DACH1: variants seen among roughly 807,000 people sequenced by gnomAD.
DACH1 encodes dachshund homolog 1.
Under a neutral mutation model 54.2 loss-of-function variants are expected in DACH1, and 12 were observed. The ratio of observed to expected loss-of-function variants is 0.22; its 90% CI spans 0.14 to 0.36. The LOEUF is 0.36. Ranked by LOEUF, DACH1 falls within the 10% of genes least tolerant of loss-of-function variation. The pLI, the probability that DACH1 is intolerant of heterozygous loss-of-function variation, is 1.00. For missense variants in DACH1, 805 were observed against 929.8 expected (o/e 0.87, Z 1.75); for synonymous variants, 386 against 366.2 (o/e 1.05, Z -0.62).
intron 4 of DACH1, among the ~76,000 whole-genome samples, chr13:71,564,607 A>C (rs993357115): frequency 6.6e-6 from 1 of 152,176 alleles, no homozygotes; most frequent in Admixed American, 6.5e-5. Flanking sequence ...AATAGAATTC[A>C]AAAACAACAT....
At chr13:71,549,574 T>C (rs924552523) in intron 6 of DACH1, among the ~76,000 whole-genome samples, 14 of 152,130 alleles carry the variant, frequency 9.2e-5, no homozygotes, top group African/African-American at 3.4e-4. Flanking sequence ...AAAAAGTTGC[T>C]AAAATCTAAA....
chr13:71,821,772 T>C (rs1210989040), intron 1 of DACH1, among the ~76,000 whole-genome samples: 1 of 152,152 alleles, frequency 6.6e-6, no homozygotes. Context: ...TGCAGTATTA[T>C]CTACTTCACA....
At chr13:71,475,948 T>C in intron 8 of DACH1, 99 bp from the exon 9 acceptor site, 1 of 931,918 alleles carries the variant, frequency 1.1e-6, no homozygotes, top group Non-Finnish European at 1.4e-6. Flanking sequence ...TTCATTTTGT[T>C]TTCCTGCTGA....
intron 1 of DACH1, among the ~76,000 whole-genome samples, chr13:71,802,428 A>G (rs1887324068): frequency 6.6e-6 from 1 of 152,100 alleles, no homozygotes; most frequent in African/African-American, 2.4e-5. Context: ...TAATATAAAT[A>G]AAGCATATTT....
At chr13:71,785,216 T>C (rs1886543007) in intron 1 of DACH1, among the ~76,000 whole-genome samples, 1 of 152,146 alleles carries the variant, frequency 6.6e-6, no homozygotes, top group Non-Finnish European at 1.5e-5. Flanking sequence ...GGTTGTATCT[T>C]TGTCATCTGC....
chr13:71,624,086 T>C (rs964069825), intron 3 of DACH1, among the ~76,000 whole-genome samples: 1 of 151,920 alleles, frequency 6.6e-6, no homozygotes, highest in African/African-American at 2.4e-5. Context: ...TTGCCATAAA[T>C]AGTAAATATT....
intron 1 of DACH1, among the ~76,000 whole-genome samples, chr13:71,756,826 T>C (rs1885182675): frequency 6.6e-6 from 1 of 152,100 alleles, no homozygotes; most frequent in African/African-American, 2.4e-5. Flanking sequence ...ATATAGAAAG[T>C]TTGCTTTAAA....
intron 1 of DACH1, among the ~76,000 whole-genome samples, chr13:71,718,827 A>G (rs570028492): frequency 6.6e-6 from 1 of 152,128 alleles, no homozygotes; most frequent in South Asian, 2.1e-4. Flanking sequence ...TTTGTTTGCT[A>G]TTTCATTAAT....
intron 7 of DACH1, among the ~76,000 whole-genome samples, chr13:71,480,016 T>C (rs1187993630): frequency 6.6e-6 from 1 of 152,208 alleles, no homozygotes; most frequent in Non-Finnish European, 1.5e-5. Context: ...TGTATCATTA[T>C]GTGGTATTGA....
chr13:71,705,015 A>T (rs1882363162), intron 1 of DACH1, among the ~76,000 whole-genome samples: 1 of 152,218 alleles, frequency 6.6e-6, no homozygotes, highest in Non-Finnish European at 1.5e-5. Flanking sequence ...ATACATTTTG[A>T]TTAAAAGACT....
intron 6 of DACH1, among the ~76,000 whole-genome samples, chr13:71,541,426 T>C (rs151081243): frequency 1.2e-4 from 19 of 152,226 alleles, no homozygotes; most frequent in African/African-American, 4.3e-4. Flanking sequence ...TAATATTTAA[T>C]TATGCAAATA....
intron 6 of DACH1, among the ~76,000 whole-genome samples, chr13:71,543,699 C>T (rs1883284928): frequency 6.6e-6 from 1 of 152,040 alleles, no homozygotes; most frequent in Admixed American, 6.6e-5. Context: ...ATAAGGGGGA[C>T]AATACTGATA....
chr13:71,637,292 A>G (rs1458347677), intron 2 of DACH1, among the ~76,000 whole-genome samples: 1 of 152,190 alleles, frequency 6.6e-6, no homozygotes, highest in East Asian at 1.9e-4. Flanking sequence ...AACGTGCAAC[A>G]GCCTGGGCAC....
chr13:71,654,463 A>ATAAAATAAAATAAAATAAAATAAAG (rs1878942735), intron 2 of DACH1, among the ~76,000 whole-genome samples: 3 of 72,330 alleles, frequency 4.1e-5, no homozygotes, highest in Non-Finnish European at 7.2e-5. Context: ...ATAAAGTAAA[A>ATAAAATAAAATAAAATAAAATAAAG]TAAAATAAAA....
At chr13:71,656,508 GTTTGA>G (rs1379528464) in intron 2 of DACH1, among the ~76,000 whole-genome samples, 1 of 151,930 alleles carries the variant, frequency 6.6e-6, no homozygotes, top group African/African-American at 2.4e-5. Context: ...AATTTTCTCT[GTTTGA>G]TTTATCTTAC....
chr13:71,601,185 T>A (rs1028084811), intron 3 of DACH1, among the ~76,000 whole-genome samples: 1 of 152,210 alleles, frequency 6.6e-6, no homozygotes, highest in Admixed American at 6.6e-5. Context: ...TATTTACATG[T>A]GTCCTTGCAC....
intron 1 of DACH1, among the ~76,000 whole-genome samples, chr13:71,719,278 G>A (rs2138798348): frequency 6.6e-6 from 1 of 152,262 alleles, no homozygotes; most frequent in South Asian, 2.1e-4. Flanking sequence ...GGCCACCTTT[G>A]AAAGGTTGTC....
intron 2 of DACH1, among the ~76,000 whole-genome samples, chr13:71,642,356 C>T (rs1231470719): frequency 6.6e-6 from 1 of 152,174 alleles, no homozygotes; most frequent in Non-Finnish European, 1.5e-5. Context: ...ATCACAAAAG[C>T]TTCGTGAGAA....
intron 3 of DACH1, among the ~76,000 whole-genome samples, chr13:71,610,210 GAATAT>G (rs1875219201): frequency 6.6e-6 from 1 of 152,090 alleles, no homozygotes; most frequent in African/African-American, 2.4e-5. Context: ...AATAGAACTA[GAATAT>G]AATATCTATC....
Sources: gnomAD v4.1 joint callset for allele counts (sites outside exome capture counted in the v4.1 genomes callset) on GRCh38, gnomAD v4.1.1 for gene constraint, MANE v1.5 for transcripts, NCBI Gene and HGNC (gene_info 2026-07-23, HGNC 2026-07-21) for gene names.